The following TAF4 variants were observed in gnomAD, a reference collection of about 807,000 sequenced individuals.
TAF4 encodes transcription initiation factor TFIID subunit 4.
Under a neutral mutation model 90.3 loss-of-function variants are expected in TAF4, and 9 were observed. The ratio of observed to expected loss-of-function variants is 0.10; its 90% CI spans 0.06 to 0.17. TAF4 has a LOEUF of 0.17. Ranked by LOEUF, TAF4 falls within the 10% of genes least tolerant of loss-of-function variation. The pLI is 1.00. For synonymous variants in TAF4, 818 were observed against 638.9 expected, an observed-to-expected ratio of 1.28 and a Z score of -4.23; for missense variants, 1,351 against 1,370.7, an observed-to-expected ratio of 0.99 and a Z score of 0.23.
intron 2 of TAF4, among the ~76,000 whole-genome samples, chr20:62,013,509 G>T (rs2055791816): frequency 6.6e-6 from 1 of 152,270 alleles, no homozygotes; most frequent in South Asian, 2.1e-4. Flanking sequence ...TCAGCAGACA[G>T]ATGCTGCAGA....
rs2055744972 is a variant in TAF4, at chr20:62,006,346, C to G, written c.2223+164G>C. 1 of 996,570 alleles carries G rather than the reference C, an allele frequency of 1.0e-6. No homozygotes were observed. The highest frequency in any genetic ancestry group is 1.3e-6 in the Non-Finnish European group (1 of 766,312). The allele number at this position is 996,570 out of a possible 1,614,324, so 61.7% of individuals were successfully genotyped here. On this transcript the variant is annotated intron_variant, in intron 7 of 14. Transcript: ENST00000252996. This position sits in a 1 kb window ranked among gnomAD's most constrained non-coding sequence, Gnocchi z 7.0. ...ATACAACATCCCAGGGCCTCAACCT[C>G]TGGTTTCTATTTTAACTATTTAAGG...
intron 1 of TAF4, among the ~76,000 whole-genome samples, chr20:62,057,276 G>A (rs2145520979): frequency 6.6e-6 from 1 of 152,314 alleles, no homozygotes; most frequent in South Asian, 2.1e-4. Flanking sequence ...GCCCAGAGAA[G>A]GGTTCAGCTC....
intron 5 of TAF4, 159 bp from the exon 6 acceptor site, chr20:62,007,795 A>G (rs1383207951): frequency 1.2e-5 from 8 of 641,364 alleles, no homozygotes; most frequent in East Asian, 3.1e-5. Context: ...TTTCACAGGT[A>G]CATGTGTGAC....
intron 9 of TAF4, 98 bp downstream of exon 9, chr20:62,003,062 C>T (rs1413252895): frequency 4.0e-6 from 4 of 1,000,744 alleles, no homozygotes; most frequent in East Asian, 5.0e-5. Context: ...GCCAGGGCCA[C>T]GTGGGAAAGA....
chr20:62,007,345 C>A (rs2281734), intron 6 of TAF4, among the ~76,000 whole-genome samples: 91,170 of 152,070 alleles, frequency 0.6, 27,749 homozygotes, highest in Middle Eastern at 0.76. Context: ...ACAAGGCCAC[C>A]GTGTCAGGGG....
chr20:62,048,714 C>G (rs141564136), intron 1 of TAF4, among the ~76,000 whole-genome samples: 3 of 151,354 alleles, frequency 2.0e-5, no homozygotes, highest in Non-Finnish European at 4.4e-5. Context: ...CCCTGGGCTC[C>G]ATGCCCCCTG....
intron 5 of TAF4, chr20:62,008,178 G>GGGC (rs1600840915): frequency 1.3e-5 from 2 of 152,814 alleles, no homozygotes; most frequent in African/African-American, 2.4e-5. Flanking sequence ...CAGAGCAAGA[G>GGGC]GGCCAGATCC....
chr20:62,055,041 C>A (rs915676606), intron 1 of TAF4, among the ~76,000 whole-genome samples: 1 of 152,222 alleles, frequency 6.6e-6, no homozygotes, highest in African/African-American at 2.4e-5. Flanking sequence ...ACAGCTCAGA[C>A]GCAAAAGTGA....
At chr20:62,050,872 T>C (rs1210883620) in intron 1 of TAF4, among the ~76,000 whole-genome samples, 1 of 151,848 alleles carries the variant, frequency 6.6e-6, no homozygotes, top group Non-Finnish European at 1.5e-5. Context: ...CGCTGCTTCC[T>C]CCTGCACCCA....
At chr20:62,039,693 TAAAAG>T (rs1168748573) in intron 1 of TAF4, among the ~76,000 whole-genome samples, 1 of 152,214 alleles carries the variant, frequency 6.6e-6, no homozygotes, top group Non-Finnish European at 1.5e-5. Flanking sequence ...CGCATGCAGC[TAAAAG>T]AAAAGGCAAA....
chr20:62,052,328 A>G (rs2056033813), intron 1 of TAF4, among the ~76,000 whole-genome samples: 1 of 151,980 alleles, frequency 6.6e-6, no homozygotes, highest in South Asian at 2.1e-4. Context: ...TGGCTCCAAG[A>G]TCTCTCCTTA....
At chr20:62,011,635 A>C (rs2055778237) in intron 3 of TAF4, among the ~76,000 whole-genome samples, 1 of 152,086 alleles carries the variant, frequency 6.6e-6, no homozygotes, top group Non-Finnish European at 1.5e-5. Context: ...CCAGGACATG[A>C]CCCAGTGAGG....
chr20:62,014,201 C>T (rs2055799835), intron 2 of TAF4, among the ~76,000 whole-genome samples: 1 of 152,226 alleles, frequency 6.6e-6, no homozygotes, highest in Middle Eastern at 3.4e-3. Context: ...CTCTACTTTG[C>T]AGATGAGGGG....
At chr20:62,028,973 G>C (rs1041372902) in intron 1 of TAF4, among the ~76,000 whole-genome samples, 2 of 152,136 alleles carry the variant, frequency 1.3e-5, no homozygotes, top group African/African-American at 4.8e-5. Context: ...AAGGCAGGCG[G>C]ATCACGAGGT....
chr20:62,032,027 G>A (rs930463275), intron 1 of TAF4, among the ~76,000 whole-genome samples: 1 of 152,160 alleles, frequency 6.6e-6, no homozygotes, highest in African/African-American at 2.4e-5. Flanking sequence ...GTCCTTCTGC[G>A]AGCCTGCACC....
intron 1 of TAF4, among the ~76,000 whole-genome samples, chr20:62,022,551 A>G (rs1183773284): frequency 6.6e-6 from 1 of 152,232 alleles, no homozygotes; most frequent in Non-Finnish European, 1.5e-5. Flanking sequence ...AGTGGTGGAC[A>G]GAACACACGT....
At chr20:61,998,626 T>A (rs1399840561) in intron 12 of TAF4, among the ~76,000 whole-genome samples, 2 of 152,156 alleles carry the variant, frequency 1.3e-5, no homozygotes, top group Non-Finnish European at 2.9e-5. Context: ...TCTGATTCTA[T>A]TAATGAGCAG....
At chr20:61,988,650 G>A (rs1039350833) in intron 14 of TAF4, among the ~76,000 whole-genome samples, 1 of 152,196 alleles carries the variant, frequency 6.6e-6, no homozygotes, top group Non-Finnish European at 1.5e-5. Context: ...TCTGGGTTTT[G>A]TGTGAATTGT....
chr20:62,056,073 C>T (rs1472363985), intron 1 of TAF4, among the ~76,000 whole-genome samples: 1 of 152,140 alleles, frequency 6.6e-6, no homozygotes, highest in African/African-American at 2.4e-5. Context: ...CCCGTCACTA[C>T]TAAAAATACA....
Sources: gnomAD v4.1 joint callset for allele counts (sites outside exome capture counted in the v4.1 genomes callset) on GRCh38, gnomAD v4.1.1 for gene constraint, Gnocchi (gnomAD v3.1) non-coding constraint, MANE v1.5 for transcripts, NCBI Gene and HGNC (gene_info 2026-07-23, HGNC 2026-07-21) for gene names.